NXPH1: variants seen among roughly 807,000 people sequenced by gnomAD.
NXPH1 encodes neurexophilin 1.
Under a neutral mutation model 23.7 loss-of-function variants are expected in NXPH1, and 5 were observed. That is an observed-to-expected ratio of 0.21 (90% CI 0.11 to 0.44). The LOEUF (loss-of-function observed/expected upper bound fraction) is 0.44. Among genes scored for constraint, NXPH1 ranks in the 20% least tolerant of loss-of-function variants. The pLI is 0.99. For missense variants in NXPH1, 324 were observed against 321.6 expected (o/e 1.01, Z -0.06); for synonymous variants, 144 against 122.2 (o/e 1.18, Z -1.18).
chr7:8,721,936 A>G (rs937771566), intron 2 of NXPH1, among the ~76,000 whole-genome samples: 2 of 152,212 alleles, frequency 1.3e-5, no homozygotes, highest in Non-Finnish European at 2.9e-5. Context: ...CACCACCCCC[A>G]TGGCAAATTC....
intron 2 of NXPH1, among the ~76,000 whole-genome samples, chr7:8,685,448 T>C (rs892834880): frequency 6.6e-6 from 1 of 151,872 alleles, no homozygotes; most frequent in African/African-American, 2.4e-5. Flanking sequence ...ATTTTTTTTT[T>C]TATGGCTGAA....
chr7:8,534,026 T>C (rs1817989831), intron 2 of NXPH1, among the ~76,000 whole-genome samples: 1 of 152,154 alleles, frequency 6.6e-6, no homozygotes, highest in Admixed American at 6.6e-5. Context: ...AACAACATAT[T>C]GTGCTTCCAT....
At chr7:8,477,344 T>A (rs190062798) in intron 2 of NXPH1, among the ~76,000 whole-genome samples, 12 of 152,168 alleles carry the variant, frequency 7.9e-5, no homozygotes, top group Non-Finnish European at 1.3e-4. Context: ...TATTTTTTTT[T>A]AAATAATTGT....
Position 8,511,686 on chromosome 7 carries a change from C to T in NXPH1, c.54+75919C>T, listed in dbSNP as rs565804459. Among the ~76,000 whole-genome samples the T allele has an allele frequency of 5.9e-5, 9 of 152,194 alleles. No individual in the cohort carries two copies. In the South Asian group the frequency reaches 8.3e-4, roughly 14 times the overall value. ...AACTTGTAGACTATATGTCACCATG[C>T]GTTACTTTTCTGGCACCAGTATACT... On this transcript the variant is annotated intron_variant, in intron 2 of 2. Transcript: ENST00000405863.
chr7:8,554,785 A>G (rs1187830022), intron 2 of NXPH1, among the ~76,000 whole-genome samples: 2 of 151,750 alleles, frequency 1.3e-5, no homozygotes, highest in Non-Finnish European at 3.0e-5. Context: ...TCACCAGAAC[A>G]GTTACGTTTG....
intron 2 of NXPH1, among the ~76,000 whole-genome samples, chr7:8,514,186 G>A (rs1440195161): frequency 6.6e-6 from 1 of 152,052 alleles, no homozygotes; most frequent in African/African-American, 2.4e-5. Flanking sequence ...CAAGAATTTT[G>A]GAGGTACAAA....
intron 2 of NXPH1, among the ~76,000 whole-genome samples, chr7:8,446,018 C>T (rs1392308341): frequency 6.6e-6 from 1 of 152,182 alleles, no homozygotes; most frequent in Non-Finnish European, 1.5e-5. Flanking sequence ...TTATTAGAGG[C>T]CCATAGGTAT....
At chr7:8,494,273 GAATT>G (rs1817299647) in intron 2 of NXPH1, among the ~76,000 whole-genome samples, 4 of 151,974 alleles carry the variant, frequency 2.6e-5, no homozygotes, top group African/African-American at 7.2e-5. Flanking sequence ...AGAGGAAAAG[GAATT>G]AATTTTCATT....
intron 2 of NXPH1, among the ~76,000 whole-genome samples, chr7:8,744,991 C>A (rs1780443278): frequency 6.6e-6 from 1 of 152,172 alleles, no homozygotes; most frequent in South Asian, 2.1e-4. Context: ...AGCGATTCTT[C>A]TAGAGCCAGG....
intron 2 of NXPH1, among the ~76,000 whole-genome samples, chr7:8,613,097 T>C (rs1819654594): frequency 6.6e-6 from 1 of 152,034 alleles, no homozygotes; most frequent in Non-Finnish European, 1.5e-5. Context: ...TACATAACCA[T>C]GTTTGAGTTT....
intron 2 of NXPH1, among the ~76,000 whole-genome samples, chr7:8,694,165 T>C (rs1334030067): frequency 6.6e-6 from 1 of 152,168 alleles, no homozygotes; most frequent in Non-Finnish European, 1.5e-5. Flanking sequence ...AGTTACATTC[T>C]TGTGGATCAT....
intron 2 of NXPH1, among the ~76,000 whole-genome samples, chr7:8,544,310 A>G (rs569832760): frequency 6.6e-6 from 1 of 151,640 alleles, no homozygotes; most frequent in African/African-American, 2.4e-5. Context: ...AGGATCCCTG[A>G]CCTCTAATCC....
intron 2 of NXPH1, among the ~76,000 whole-genome samples, chr7:8,750,597 G>A (rs1780547202): frequency 6.6e-6 from 1 of 152,140 alleles, no homozygotes; most frequent in Admixed American, 6.5e-5. Context: ...GAATTTTTGT[G>A]CTAAGAAGTA....
intron 2 of NXPH1, among the ~76,000 whole-genome samples, chr7:8,688,123 C>A (rs1189548151): frequency 6.6e-6 from 1 of 151,968 alleles, no homozygotes; most frequent in Non-Finnish European, 1.5e-5. Context: ...TGGACAAGAG[C>A]TTTTGCTTAC....
intron 2 of NXPH1, among the ~76,000 whole-genome samples, chr7:8,722,980 C>T (rs1448525397): frequency 1.3e-5 from 2 of 152,156 alleles, no homozygotes; most frequent in Non-Finnish European, 2.9e-5. Context: ...TGTTTATTTA[C>T]ACTTTATCAA....
chr7:8,464,727 C>T (rs896127155), intron 2 of NXPH1, among the ~76,000 whole-genome samples: 2 of 151,580 alleles, frequency 1.3e-5, no homozygotes, highest in African/African-American at 4.8e-5. Context: ...GAGTGAGAGG[C>T]ACAGAGCAAA....
At position 8,666,858 on chromosome 7, in the gene NXPH1, G is replaced by C. The variant is rs117137383; in HGVS notation, c.55-84150G>C. 8.4e-3 allele frequency among the ~76,000 whole-genome samples: 1,270 copies of C among 151,642 alleles called. 17 individuals carry two copies. The highest frequency in any genetic ancestry group is 0.012 in the Non-Finnish European group (830 of 67,738). ...CTCTTATGATCTTTTGTATTTCTGT[G>C]GTATTAGTTGTAATGTCTCCTATAT... On this transcript the variant is annotated intron_variant, in intron 2 of 2. Coordinates refer to ENST00000405863, the MANE Select transcript of NXPH1 (RefSeq NM_152745.3).
At chr7:8,524,241 CAAAAAAAAAAAAA>C in intron 2 of NXPH1, among the ~76,000 whole-genome samples, 1 of 73,718 alleles carries the variant, frequency 1.4e-5, no homozygotes, top group East Asian at 4.1e-4. Flanking sequence ...GACTCTGTCT[CAAAAAAAAAAAAA>C]AAAAAAAAAA....
chr7:8,564,407 T>A (rs6956624), intron 2 of NXPH1, among the ~76,000 whole-genome samples: 124 of 151,664 alleles, frequency 8.2e-4, no homozygotes, highest in African/African-American at 2.7e-3. Flanking sequence ...CTTTCTCCTC[T>A]GGATGTGACA....
Sources: gnomAD v4.1 joint callset for allele counts (sites outside exome capture counted in the v4.1 genomes callset) on GRCh38, gnomAD v4.1.1 for gene constraint, MANE v1.5 for transcripts, NCBI Gene and HGNC (gene_info 2026-07-23, HGNC 2026-07-21) for gene names.